Variants in AJM1 observed in about 807,000 individuals in gnomAD.
AJM1 encodes the protein uncharacterized protein C9orf172.
AJM1 carries 22 observed loss-of-function variants against 43.0 expected under a neutral mutation model. The observed-to-expected ratio is 0.51, with a 90% confidence interval of 0.37 to 0.73. The LOEUF (loss-of-function observed/expected upper bound fraction) is 0.73, where lower values mean the gene tolerates loss of function less well. AJM1 is among the 30% of genes least tolerant of loss of function. The pLI is 0.00. For missense variants in AJM1, 1,305 were observed against 1,343.3 expected (o/e 0.97, Z 0.45); for synonymous variants, 719 against 638.3 (o/e 1.13, Z -1.91).
In AJM1 at chr9:136,845,941, C is replaced by T. The variant is rs1156300672; in HGVS notation, c.1527C>T (p.Ser509=). Residue 509 remains serine (S), a synonymous_variant, in exon 3 of 3, where the codon TCC becomes TCT. Transcript: ENST00000436881. ...SPRRYAALSL[S]ETSLTEKGRA... is the part of the protein sequence containing the mutation. ...GACGCTACGCCGCACTGTCCCTGTC[C>T]GAGACGTCGCTGACGGAGAAGGGCC... The T allele has an allele frequency of 3.9e-6, 6 of 1,553,914 alleles. No individual in the cohort carries two copies. Among genetic ancestry groups the T allele is most frequent in the South Asian group, 1.2e-5 (1 of 84,344 alleles).
In AJM1 at chr9:136,844,513, G is replaced by C. The variant is rs757333411; in HGVS notation, c.99G>C (p.Glu33Asp). ...PGPASKCSPC[E>D]RSVARPAEPA... ...CCGCGTCCAAGTGCTCGCCATGTGA[G>C]CGATCCGTGGCCCGGCCTGCTGAGC... Residue 33 changes from glutamate (E) to aspartate (D), a missense_variant, in exon 3 of 3, where the codon GAG becomes GAC. By Grantham distance (45) the Glu-to-Asp change is conservative. Coordinates refer to ENST00000436881, the MANE Select transcript of AJM1 (RefSeq NM_001080482.5). The C allele has an allele frequency of 3.4e-5, 55 of 1,608,996 alleles. No homozygotes were observed. Among genetic ancestry groups the C allele is most frequent in the Admixed American group, 1.8e-4 (11 of 59,790 alleles).
chr9:136,847,439 C>T lies in AJM1; in HGVS notation c.*94C>T. 1.9e-6 allele frequency: 2 copies of T among 1,038,198 alleles called. No individual in the cohort carries two copies. Among genetic ancestry groups the T allele is most frequent in the Non-Finnish European group, 2.6e-6 (2 of 766,324 alleles). The allele number at this position is 1,038,198 out of a possible 1,614,324, so 64.3% of individuals were successfully genotyped here. On this transcript the variant is annotated 3_prime_UTR_variant, in exon 3 of 3. Coordinates refer to ENST00000436881, the MANE Select transcript of AJM1 (RefSeq NM_001080482.5). ...CGGCCCACCCAGGGCCGCCCCCGAG[C>T]CCCGCCAGGGCCCCACCCCGACTTC...
At position 136,845,590 on chromosome 9, in the gene AJM1, C is replaced by G. The variant is rs1848761052; in HGVS notation, c.1176C>G (p.Tyr392Ter). ...YRERDVLARTYPHPRSSPAWA... is the reference protein window; with the variant it reads ...YRERDVLART ...AGCGTGACGTCCTGGCTCGGACGTA[C>G]CCGCACCCGCGCAGCAGCCCGGCCT... Residue 392 changes from tyrosine (Y) to a stop codon, truncating the protein, a stop_gained, in exon 3 of 3, where the codon TAC (tyrosine) becomes TAG (stop). Coordinates refer to ENST00000436881, the MANE Select transcript of AJM1 (RefSeq NM_001080482.5). LOFTEE classifies it high-confidence loss of function. 6.3e-7 allele frequency: 1 copy of G among 1,586,142 alleles called. No individual in the cohort carries two copies. Among genetic ancestry groups the G allele is most frequent in the African/African-American group, 1.3e-5 (1 of 74,560 alleles).
Position 136,846,434 on chromosome 9 carries a change from G to A in AJM1, c.2020G>A (p.Glu674Lys), listed in dbSNP as rs1461342492. Residue 674 changes from glutamate to lysine, a missense_variant, in exon 3 of 3, where the codon GAG becomes AAG. This residue lies in a region of AJM1 where 391 missense variants were observed against 507.5 expected (regional missense o/e 0.77). Transcript: ENST00000436881. ...TCSNARCRRT[E>K]TMFNACLYFK... ...CTCCAATGCGCGCTGCCGGCGCACCGAGACCATGTTCAACGCCTGCCTCTA... is the reference window on the plus strand; with the variant it reads ...CTCCAATGCGCGCTGCCGGCGCACCAAGACCATGTTCAACGCCTGCCTCTA... The A allele has an allele frequency of 1.3e-6, 2 of 1,592,744 alleles. No homozygotes were observed. The highest frequency in any genetic ancestry group is 2.3e-4 in the Middle Eastern group (1 of 4,424).
Position 136,842,604 on chromosome 9 carries a change from GC to G in AJM1, c.-144+17del, listed in dbSNP as rs1343051988. On this transcript the variant is annotated intron_variant, in intron 1 of 2. Transcript: ENST00000436881. Reference sequence around the variant, plus strand: ...GCAGCACCCAGGTAAGGGGCTAGGGGCCGAGTTGCTGAGTGTGTCACCGTCA... The same window carrying G: ...GCAGCACCCAGGTAAGGGGCTAGGGGCGAGTTGCTGAGTGTGTCACCGTCA... 6.6e-6 allele frequency among the ~76,000 whole-genome samples: 1 copy of G among 152,222 alleles called. No homozygotes were observed. Among genetic ancestry groups the G allele is most frequent in the African/African-American group, 2.4e-5 (1 of 41,448 alleles).
chr9:136,845,272 G>A lies in AJM1; in HGVS notation c.858G>A (p.Glu286=), dbSNP rs774820563. ...CCACCCAGTTCTTCTATACAGAGGA[G>A]CCCCAAGGCTTCCGGGGCAGCTTTG... is the stretch of plus-strand genomic sequence containing the variant. ...PGPTQFFYTE[E]PQGFRGSFAA... is the part of the protein sequence containing the mutation. Residue 286 remains glutamate, a synonymous_variant, in exon 3 of 3, where the codon GAG becomes GAA. Transcript: ENST00000436881. 62 of 1,608,034 alleles carry A rather than the reference G, an allele frequency of 3.9e-5. No individual in the cohort carries two copies. The highest frequency in any genetic ancestry group is 3.9e-4 in the Middle Eastern group (2 of 5,068).
In AJM1 at chr9:136,846,570, G is replaced by A; in HGVS notation, c.2156G>A (p.Cys719Tyr). Residue 719 changes from cysteine (C) to tyrosine (Y), a missense_variant, in exon 3 of 3, where the codon TGC becomes TAC. Cys to Tyr is a radical substitution (Grantham distance 194, BLOSUM62 -2). This residue lies in a region of AJM1 where 391 missense variants were observed against 507.5 expected (regional missense o/e 0.77). Transcript: ENST00000436881. Reference sequence around the variant, plus strand: ...GTGTACGGCCGCGTGGGCAGCGTGTGCCGCCACGTACTGCAGTTTTGCCGC... The same window carrying A: ...GTGTACGGCCGCGTGGGCAGCGTGTACCGCCACGTACTGCAGTTTTGCCGC... ...RCVYGRVGSV[C>Y]RHVLQFCRDS... 6.3e-7 allele frequency: 1 copy of A among 1,592,846 alleles called. No individual in the cohort carries two copies. The highest frequency in any genetic ancestry group is 8.5e-7 in the Non-Finnish European group (1 of 1,176,668).
intron 1 of AJM1, among the ~76,000 whole-genome samples, 138 bp downstream of exon 1, chr9:136,842,727 G>A (rs934578914): frequency 6.6e-6 from 1 of 152,192 alleles, no homozygotes; most frequent in Non-Finnish European, 1.5e-5. Context: ...CTCCCAGCCA[G>A]GGCAAGGCAA....
At chr9:136,843,483 T>C (rs981018336) in intron 1 of AJM1, among the ~76,000 whole-genome samples, 1 of 152,198 alleles carries the variant, frequency 6.6e-6, no homozygotes, top group African/African-American at 2.4e-5. Context: ...GGTGCGCAGC[T>C]CAGAGGAGGG....
In AJM1 at chr9:136,846,532, C is replaced by T. The variant is rs779055974; in HGVS notation, c.2118C>T (p.His706=). The T allele has an allele frequency of 1.4e-5, 22 of 1,595,646 alleles. No homozygotes were observed. The South Asian group carries it at 2.0e-4, about 14-fold the overall frequency. Residue 706 remains histidine (H), a synonymous_variant, in exon 3 of 3, where the codon CAC becomes CAT. Coordinates refer to ENST00000436881, the MANE Select transcript of AJM1 (RefSeq NM_001080482.5). Reference sequence around the variant, plus strand: ...GCCGCCGCGAGGACTGGGACGCCCACAAGGCGCGCTGCGTGTACGGCCGCG... The same window carrying T: ...GCCGCCGCGAGGACTGGGACGCCCATAAGGCGCGCTGCGTGTACGGCCGCG... ...RLCRREDWDA[H]KARCVYGRVG...
rs1309896894 is a variant in AJM1, at chr9:136,846,894, C to T, written c.2480C>T (p.Pro827Leu). 1.3e-6 allele frequency: 2 copies of T among 1,517,430 alleles called. No individual in the cohort carries two copies. Among genetic ancestry groups the T allele is most frequent in the Non-Finnish European group, 1.8e-6 (2 of 1,139,818 alleles). 94.0% of individuals were successfully genotyped at this position (1,517,430 alleles called of 1,614,324 possible). Residue 827 changes from proline to leucine, a missense_variant, in exon 3 of 3, where the codon CCG becomes CTG. Pro to Leu is a moderately conservative substitution (Grantham distance 98). Transcript: ENST00000436881. ...GCCGTGGGACCCGGCACCGCGCCACCGGGGACACCGGCCCTGCCCGCGCCC... is the reference window on the plus strand; with the variant it reads ...GCCGTGGGACCCGGCACCGCGCCACTGGGGACACCGGCCCTGCCCGCGCCC... ...SVAVGPGTAPPGTPALPAPAP... is the reference protein window; with the variant it reads ...SVAVGPGTAPLGTPALPAPAP...
chr9:136,845,987 C>T lies in AJM1; in HGVS notation c.1573C>T (p.Arg525Cys). Residue 525 changes from arginine (R) to cysteine (C), a missense_variant, in exon 3 of 3, where the codon CGC becomes TGC. Transcript: ENST00000436881. ...GGGCCGCGCGGGCGAGGGCCTGGGC[C>T]GCAACTGGTACGTGACGCCCGAGAT... ...EKGRAGEGLG[R>C]NWYVTPEITI... The T allele has an allele frequency of 4.5e-6, 7 of 1,553,228 alleles. No homozygotes were observed. The highest frequency in any genetic ancestry group is 5.2e-6 in the Non-Finnish European group (6 of 1,149,908).
chr9:136,845,325 C>A lies in AJM1; in HGVS notation c.911C>A (p.Ala304Asp). The change falls in exon 3 of 3, where the codon GCC becomes GAC. Residue 304 changes from alanine to aspartate, a missense_variant. Coordinates refer to ENST00000436881, the MANE Select transcript of AJM1 (RefSeq NM_001080482.5). The stretch of plus-strand genomic sequence containing the variant: ...GCCAGTCCCGGCCCAACCTTCGACG[C>A]CTACTACCCCAGGCCCTATCCGTCC... ...FAASPGPTFD[A>D]YYPRPYPSEE... 6.2e-7 allele frequency: 1 copy of A among 1,612,260 alleles called. No homozygotes were observed. Among genetic ancestry groups the A allele is most frequent in the Non-Finnish European group, 8.5e-7 (1 of 1,179,822 alleles).
In AJM1 at chr9:136,846,933, A is replaced by C; in HGVS notation, c.2519A>C (p.His840Pro). ...PALPAPAPRS[H>P]GPTVRKFAKV... is the part of the protein sequence containing the mutation. ...CTGCCCGCGCCCGCGCCACGCAGCC[A>C]CGGGCCAACAGTGCGCAAGTTCGCC... Residue 840 changes from histidine to proline, a missense_variant, in exon 3 of 3, where the codon CAC (histidine) becomes CCC (proline). Physicochemically the swap from His to Pro is moderately conservative, Grantham distance 77. Coordinates refer to ENST00000436881, the MANE Select transcript of AJM1 (RefSeq NM_001080482.5). The C allele has an allele frequency of 7.0e-7, 1 of 1,423,022 alleles. No individual in the cohort carries two copies. Among genetic ancestry groups the C allele is most frequent in the Non-Finnish European group, 9.2e-7 (1 of 1,081,916 alleles). The allele number at this position is 1,423,022 out of a possible 1,614,324, so 88.1% of individuals were successfully genotyped here.
rs1848751006 is a variant in AJM1 at position 136,845,097 on chromosome 9, C to G, written c.683C>G (p.Pro228Arg). 1 of 1,391,194 alleles carries G rather than the reference C, an allele frequency of 7.2e-7. No homozygotes were observed. The highest frequency in any genetic ancestry group is 1.0e-6 in the Non-Finnish European group (1 of 1,001,042). 86.2% of individuals were successfully genotyped at this position (1,391,194 alleles called of 1,614,324 possible). ...PAPQFHGLTV[P>R]GPRHMALSRT... ...CCGCAGTTCCACGGCCTCACGGTGC[C>G]CGGGCCCCGCCACATGGCGCTGTCG... Residue 228 changes from proline (P) to arginine (R), a missense_variant, in exon 3 of 3, where the codon CCC (proline) becomes CGC (arginine). Transcript: ENST00000436881.
At position 136,845,074 on chromosome 9, in the gene AJM1, G is replaced by A. The variant is rs1210262703; in HGVS notation, c.660G>A (p.Pro220=). Residue 220 remains proline (P), a synonymous_variant, in exon 3 of 3, where the codon CCG becomes CCA. Coordinates refer to ENST00000436881, the MANE Select transcript of AJM1 (RefSeq NM_001080482.5). ...CCGCGCACTGGGCCCGCCCCGCCCC[G>A]CAGTTCCACGGCCTCACGGTGCCCG... ...TEAAHWARPA[P]QFHGLTVPGP... is the part of the protein sequence containing the mutation. The A allele has an allele frequency of 1.8e-6, 2 of 1,142,234 alleles. No homozygotes were observed. The highest frequency in any genetic ancestry group is 2.6e-5 in the South Asian group (2 of 78,042). The allele number at this position is 1,142,234 out of a possible 1,614,324, so 70.8% of individuals were successfully genotyped here.
Position 136,846,758 on chromosome 9 carries a change from C to T in AJM1, c.2344C>T (p.Leu782=). The T allele has an allele frequency of 1.3e-6, 2 of 1,598,906 alleles. No homozygotes were observed. The highest frequency in any genetic ancestry group is 1.3e-5 in the African/African-American group (1 of 74,630). Residue 782 remains leucine (L), a synonymous_variant, in exon 3 of 3, where the codon CTG becomes TTG. Coordinates refer to ENST00000436881, the MANE Select transcript of AJM1 (RefSeq NM_001080482.5). ...GCTGCTATCCCCCACCTACCTATCG[C>T]TGCGTGAGCTGGCCACACACGCGGC... The part of the protein sequence containing the change: ...GLLLSPTYLS[L]RELATHAAPL...
At position 136,845,953 on chromosome 9, in the gene AJM1, G is replaced by A. The variant is rs776006669; in HGVS notation, c.1539G>A (p.Leu513=). The A allele has an allele frequency of 5.0e-5, 77 of 1,553,738 alleles. No individual in the cohort carries two copies. Among genetic ancestry groups the A allele is most frequent in the Non-Finnish European group, 6.6e-5 (76 of 1,150,000 alleles). Residue 513 remains leucine, a synonymous_variant, in exon 3 of 3, where the codon CTG becomes CTA. Transcript: ENST00000436881. ...YAALSLSETS[L]TEKGRAGEGL... is the part of the protein sequence containing the mutation. ...CACTGTCCCTGTCCGAGACGTCGCTGACGGAGAAGGGCCGCGCGGGCGAGG... is the reference window on the plus strand; with the variant it reads ...CACTGTCCCTGTCCGAGACGTCGCTAACGGAGAAGGGCCGCGCGGGCGAGG...
chr9:136,843,801 G>A (rs1406866471), intron 1 of AJM1, among the ~76,000 whole-genome samples: 3 of 152,312 alleles, frequency 2.0e-5, no homozygotes, highest in Admixed American at 1.3e-4. Context: ...GTGCAGAGCC[G>A]GCTAAGGCTG....
Sources: allele counts gnomAD v4.1 joint callset (sites outside exome capture counted in the v4.1 genomes callset), GRCh38; gene constraint gnomAD v4.1.1; regional missense constraint gnomAD v4.1.1; transcripts MANE v1.5; gene names NCBI Gene and HGNC (gene_info 2026-07-23, HGNC 2026-07-21).